The following CDH18 variants were observed in gnomAD, a reference collection of about 807,000 sequenced individuals.
CDH18 encodes cadherin 18.
Under a neutral mutation model 67.9 loss-of-function variants are expected in CDH18, and 31 were observed. The observed-to-expected ratio is 0.46, with a 90% CI of 0.34 to 0.62. The LOEUF (loss-of-function observed/expected upper bound fraction) is 0.62, where lower values mean the gene tolerates loss of function less well. Among genes scored for constraint, CDH18 ranks in the 20% least tolerant of loss-of-function variants. The pLI is 0.01. For synonymous variants in CDH18, 362 were observed against 347.2 expected (o/e 1.04, Z -0.48); for missense variants, 890 against 975.5 (o/e 0.91, Z 1.17).
At chr5:20,300,703 G>A (rs1238897927) in intron 1 of CDH18, among the ~76,000 whole-genome samples, 1 of 152,044 alleles carries the variant, frequency 6.6e-6, no homozygotes, top group Non-Finnish European at 1.5e-5. Flanking sequence ...TGACTCTATG[G>A]GAGGGCTATG....
chr5:20,472,365 TTAAA>T (rs1382705329), intron 1 of CDH18, among the ~76,000 whole-genome samples: 3 of 152,332 alleles, frequency 2.0e-5, no homozygotes, highest in Non-Finnish European at 4.4e-5. Context: ...TCATGATTAT[TTAAA>T]TAAAGGAGAT....
chr5:19,962,410 C>CT lies in CDH18; in HGVS notation c.-257+18649dup, dbSNP rs1348234203. ...AAAAAAAAAAAAGAAAATTCAATTC[C>CT]TTTAAGAATATTTGACATATTTAGA... On this transcript the variant is annotated intron_variant, in intron 2 of 12. Transcript: ENST00000382275. Among the ~76,000 whole-genome samples, 4 of 126,942 alleles carry CT rather than the reference C, an allele frequency of 3.2e-5. No homozygotes were observed. The East Asian group carries it at 9.5e-4, about 30-fold the overall frequency. The allele number at this position is 126,942 out of a possible 152,430, so 83.3% of individuals were successfully genotyped here. A position where few individuals can be genotyped will look rare whatever the true frequency, so the allele number is the denominator to read the frequency against.
intron 2 of CDH18, among the ~76,000 whole-genome samples, chr5:20,197,241 A>C (rs1739054621): frequency 6.6e-6 from 1 of 152,204 alleles, no homozygotes; most frequent in Non-Finnish European, 1.5e-5. Flanking sequence ...CGAACTCCTG[A>C]GCTCAGGCAA....
intron 7 of CDH18, among the ~76,000 whole-genome samples, chr5:19,579,207 A>T: frequency 6.6e-6 from 1 of 151,890 alleles, no homozygotes; most frequent in East Asian, 1.9e-4. Flanking sequence ...CTTTGTATAT[A>T]TTGTGATTTC....
chr5:19,651,581 G>C (rs1194135384), intron 5 of CDH18, among the ~76,000 whole-genome samples: 1 of 151,958 alleles, frequency 6.6e-6, no homozygotes, highest in Non-Finnish European at 1.5e-5. Flanking sequence ...TCATCTAAAA[G>C]ACATCCCAAA....
At chr5:19,596,833 A>G (rs938067886) in intron 6 of CDH18, among the ~76,000 whole-genome samples, 1 of 152,184 alleles carries the variant, frequency 6.6e-6, no homozygotes, top group African/African-American at 2.4e-5. Context: ...GTGCATTAAG[A>G]TTAATATTTT....
At chr5:19,823,091 CAG>C (rs1289980193) in intron 3 of CDH18, among the ~76,000 whole-genome samples, 10 of 152,298 alleles carry the variant, frequency 6.6e-5, no homozygotes, top group African/African-American at 2.4e-4. Flanking sequence ...CACCGGCGGT[CAG>C]AGTTTAAGGT....
At chr5:19,717,118 A>G (rs1371471100) in intron 5 of CDH18, among the ~76,000 whole-genome samples, 1 of 152,044 alleles carries the variant, frequency 6.6e-6, no homozygotes, top group Non-Finnish European at 1.5e-5. Context: ...GGGAGGTTTA[A>G]CTACGATTTT....
intron 2 of CDH18, among the ~76,000 whole-genome samples, chr5:20,151,227 G>A (rs1198806887): frequency 6.6e-6 from 1 of 151,984 alleles, no homozygotes; most frequent in African/African-American, 2.4e-5. Flanking sequence ...TTATTAGTAA[G>A]ATCATGTGGT....
chr5:20,243,031 T>C (rs1396358), intron 2 of CDH18, among the ~76,000 whole-genome samples: 106,569 of 152,034 alleles, frequency 0.7, 38,021 homozygotes, highest in African/African-American at 0.85. Context: ...CATGAAAGTA[T>C]TGGGCAAGTA....
chr5:19,976,698 G>C (rs894182436), intron 2 of CDH18, among the ~76,000 whole-genome samples: 1 of 151,988 alleles, frequency 6.6e-6, no homozygotes, highest in Non-Finnish European at 1.5e-5. Context: ...AATATTGTTA[G>C]AAATATAATG....
intron 1 of CDH18, among the ~76,000 whole-genome samples, chr5:20,417,349 C>T (rs1747401521): frequency 6.6e-6 from 1 of 152,052 alleles, no homozygotes; most frequent in Non-Finnish European, 1.5e-5. Flanking sequence ...TCATCAATTC[C>T]TTTTTGCTTA....
chr5:20,021,603 T>C (rs983408720), intron 2 of CDH18, among the ~76,000 whole-genome samples: 1 of 152,142 alleles, frequency 6.6e-6, no homozygotes, highest in Admixed American at 6.5e-5. Flanking sequence ...TCTCTGACCA[T>C]GTATGTTAAT....
At chr5:19,854,210 C>T (rs1235116690) in intron 2 of CDH18, among the ~76,000 whole-genome samples, 9 of 152,060 alleles carry the variant, frequency 5.9e-5, no homozygotes, top group Non-Finnish European at 1.5e-5. Flanking sequence ...ATAATTTTGG[C>T]ATTCCATTTC....
At chr5:19,748,125 AAAAAAAAAG>A (rs1770343718) in intron 3 of CDH18, among the ~76,000 whole-genome samples, 1 of 144,064 alleles carries the variant, frequency 6.9e-6, no homozygotes, top group South Asian at 2.3e-4. Flanking sequence ...AAAAAAAAAA[AAAAAAAAAG>A]AGTACTTTTT....
At chr5:20,083,790 T>C (rs754862170) in intron 2 of CDH18, among the ~76,000 whole-genome samples, 5 of 152,178 alleles carry the variant, frequency 3.3e-5, no homozygotes, top group Non-Finnish European at 5.9e-5. Context: ...AGATTGCTTG[T>C]GCAGGGGAAC....
chr5:19,955,891 A>G (rs1796211738), intron 2 of CDH18, among the ~76,000 whole-genome samples: 1 of 152,040 alleles, frequency 6.6e-6, no homozygotes. Context: ...AAATATACCA[A>G]TTGAAAATAC....
intron 2 of CDH18, among the ~76,000 whole-genome samples, chr5:20,052,831 A>G (rs1299442840): frequency 2.6e-5 from 4 of 152,114 alleles, no homozygotes; most frequent in African/African-American, 9.7e-5. Context: ...CCAGTTTTAA[A>G]GATACACACT....
intron 8 of CDH18, among the ~76,000 whole-genome samples, chr5:19,564,988 T>C (rs991801796): frequency 6.6e-6 from 1 of 151,648 alleles, no homozygotes; most frequent in African/African-American, 2.4e-5. Context: ...GGGAAGAACT[T>C]TGTCTTGTGG....
Sources: allele counts gnomAD v4.1 joint callset (sites outside exome capture counted in the v4.1 genomes callset), GRCh38; gene constraint gnomAD v4.1.1; transcripts MANE v1.5; gene names NCBI Gene and HGNC (gene_info 2026-07-23, HGNC 2026-07-21).